RPH3A: variants seen among roughly 807,000 people sequenced by gnomAD.
RPH3A encodes rabphilin-3A.
In RPH3A, 48 loss-of-function variants were observed where a neutral mutation model predicts 102.2. That is an observed-to-expected ratio of 0.47 (90% CI 0.37 to 0.60). The LOEUF (loss-of-function observed/expected upper bound fraction) is 0.60. Ranked by LOEUF, RPH3A falls within the 20% of genes least tolerant of loss-of-function variation. The pLI is 0.00. For missense variants in RPH3A, 781 were observed against 910.1 expected (o/e 0.86, Z 1.83); for synonymous variants, 310 against 324.3 (o/e 0.96, Z 0.47).
intron 2 of RPH3A, among the ~76,000 whole-genome samples, chr12:112,815,619 G>A (rs761624030): frequency 2.6e-5 from 4 of 152,192 alleles, no homozygotes; most frequent in South Asian, 2.1e-4. Flanking sequence ...GTGGTCTTCC[G>A]TGGCTTGATG....
intron 2 of RPH3A, among the ~76,000 whole-genome samples, chr12:112,810,194 A>AG (rs1235493604): frequency 1.3e-5 from 2 of 152,210 alleles, no homozygotes; most frequent in Non-Finnish European, 1.5e-5. Flanking sequence ...GCTGGAAATC[A>AG]GGGCTGAATG....
At chr12:112,684,679 G>A (rs2040250830) in intron 1 of RPH3A, among the ~76,000 whole-genome samples, 1 of 152,212 alleles carries the variant, frequency 6.6e-6, no homozygotes, top group Admixed American at 6.5e-5. Flanking sequence ...GGGAGGCTGA[G>A]TATCTATCTT....
chr12:112,752,022 C>G (rs2040788773), intron 1 of RPH3A, among the ~76,000 whole-genome samples: 2 of 151,962 alleles, frequency 1.3e-5, no homozygotes, highest in Admixed American at 6.6e-5. Context: ...GGTGTGTACC[C>G]CAGTGTTAAG....
rs397958107 is a variant in RPH3A, at chr12:112,713,051, C to CCTTCTTCTTCTTCTTCTTCTT, written c.-139-79061_-139-79041dup. On this transcript the variant is annotated intron_variant, in intron 1 of 21. Coordinates refer to the RPH3A transcript ENST00000543106. Reference sequence around the variant, plus strand: ...TTCTTCTTCTTCTTCTTCTTCTTCTCCTTCTTCTTCTTCTTCTTCTTCTTC... The same window carrying CCTTCTTCTTCTTCTTCTTCTT: ...TTCTTCTTCTTCTTCTTCTTCTTCTCCTTCTTCTTCTTCTTCTTCTTCTTCTTCTTCTTCTTCTTCTTCTTC... Among the ~76,000 whole-genome samples, 49 of 85,874 alleles carry CCTTCTTCTTCTTCTTCTTCTT rather than the reference C, an allele frequency of 5.7e-4. 2 individuals are homozygous for CCTTCTTCTTCTTCTTCTTCTT. Among genetic ancestry groups the CCTTCTTCTTCTTCTTCTTCTT allele is most frequent in the Middle Eastern group, 4.6e-3 (1 of 218 alleles). The allele number at this position is 85,874 out of a possible 152,430, so 56.3% of individuals were successfully genotyped here.
At chr12:112,665,225 A>G (rs2040076402) in intron 1 of RPH3A, among the ~76,000 whole-genome samples, 1 of 152,218 alleles carries the variant, frequency 6.6e-6, no homozygotes, top group South Asian at 2.1e-4. Context: ...AGTCCAGACC[A>G]AGATGGCCTC....
chr12:112,756,871 A>G (rs989685364), intron 1 of RPH3A, among the ~76,000 whole-genome samples: 5 of 152,242 alleles, frequency 3.3e-5, no homozygotes, highest in Admixed American at 1.3e-4. Context: ...GAGAATACAC[A>G]GTTCCCCACA....
intron 2 of RPH3A, among the ~76,000 whole-genome samples, chr12:112,817,931 T>G (rs1432467399): frequency 2.6e-5 from 4 of 152,142 alleles, no homozygotes; most frequent in Non-Finnish European, 5.9e-5. Flanking sequence ...CAAGGTAGCT[T>G]GGTCTCACCC....
At chr12:112,867,707 G>A (rs917830361) in intron 7 of RPH3A, among the ~76,000 whole-genome samples, 5 of 152,198 alleles carry the variant, frequency 3.3e-5, no homozygotes, top group African/African-American at 1.2e-4. Flanking sequence ...ACTAGCAGTG[G>A]GTTGGGGGGA....
chr12:112,866,242 G>A (rs112550439), intron 6 of RPH3A, among the ~76,000 whole-genome samples: 3 of 152,246 alleles, frequency 2.0e-5, no homozygotes, highest in East Asian at 1.9e-4. Flanking sequence ...CAGTCAACTC[G>A]ATAGCGAGAA....
At chr12:112,774,484 G>T (rs1342117518) in intron 1 of RPH3A, among the ~76,000 whole-genome samples, 3 of 152,134 alleles carry the variant, frequency 2.0e-5, no homozygotes, top group Non-Finnish European at 4.4e-5. Flanking sequence ...CCTTTCCCTG[G>T]TTTGTGACTC....
chr12:112,789,679 G>GCCA (rs571794947), upstream of RPH3A, among the ~76,000 whole-genome samples: 166 of 151,564 alleles, frequency 1.1e-3, no homozygotes, highest in African/African-American at 3.7e-3. Context: ...AGCCATCATT[G>GCCA]CCACCACCAC....
At chr12:112,588,617 G>T (rs2039455512) in intron 1 of RPH3A, among the ~76,000 whole-genome samples, 1 of 152,192 alleles carries the variant, frequency 6.6e-6, no homozygotes, top group African/African-American at 2.4e-5. Context: ...AATTCAAAGA[G>T]ATGCTCAATG....
At chr12:112,801,045 C>G (rs1300894592) in intron 2 of RPH3A, among the ~76,000 whole-genome samples, 2 of 152,056 alleles carry the variant, frequency 1.3e-5, no homozygotes, top group African/African-American at 4.8e-5. Flanking sequence ...AGCAGGATAT[C>G]GTAACTTGGC....
At chr12:112,636,249 C>G in intron 1 of RPH3A, among the ~76,000 whole-genome samples, 1 of 152,134 alleles carries the variant, frequency 6.6e-6, no homozygotes, top group East Asian at 1.9e-4. Context: ...GGAGACCACC[C>G]ACTTTCCTTT....
intron 4 of RPH3A, among the ~76,000 whole-genome samples, chr12:112,839,101 T>A (rs1003283062): frequency 7.9e-5 from 12 of 152,176 alleles, no homozygotes; most frequent in Non-Finnish European, 1.6e-4. Flanking sequence ...CACAGTGGTC[T>A]TTAGACTTTT....
rs1718765857 is a variant in RPH3A, at chr12:112,847,697, C to A, written c.85C>A (p.Leu29Ile). The change falls in exon 5 of 22, where the codon CTC (leucine) becomes ATC (isoleucine). Residue 29 changes from leucine to isoleucine, a missense_variant and splice_region_variant. Leu to Ile is a conservative substitution (Grantham distance 5, BLOSUM62 2). This residue lies in a region of RPH3A where 730 missense variants were observed against 810.0 expected (regional missense o/e 0.90). Coordinates refer to ENST00000389385, the MANE Select transcript of RPH3A (RefSeq NM_001143854.2). ...RPLQSNDKEQ[L>I]QAGWSVHPGG... ...ACACCTTCCCAAATTTCCTTTCAGG[C>A]TCCAGGCAGGCTGGTCCGTCCACCC... is the stretch of plus-strand genomic sequence containing the variant. The A allele has an allele frequency of 1.2e-6, 2 of 1,613,444 alleles. No homozygotes were observed. The highest frequency in any genetic ancestry group is 2.2e-5 in the East Asian group (1 of 44,890).
intron 1 of RPH3A, among the ~76,000 whole-genome samples, chr12:112,618,358 C>T (rs952239611): frequency 2.0e-5 from 3 of 152,212 alleles, no homozygotes; most frequent in African/African-American, 7.2e-5. Context: ...TTCCACAGTG[C>T]ACCAGATCCT....
intron 1 of RPH3A, among the ~76,000 whole-genome samples, chr12:112,576,718 G>T (rs1592889413): frequency 6.6e-6 from 1 of 152,086 alleles, no homozygotes; most frequent in African/African-American, 2.4e-5. Context: ...GTGGAGAGAA[G>T]AATTTTGGTG....
At chr12:112,606,904 A>G (rs2039601033) in intron 1 of RPH3A, among the ~76,000 whole-genome samples, 1 of 152,212 alleles carries the variant, frequency 6.6e-6, no homozygotes, top group Non-Finnish European at 1.5e-5. Flanking sequence ...TTACAATTCA[A>G]CATGAGATTT....
Sources: allele counts gnomAD v4.1 joint callset (sites outside exome capture counted in the v4.1 genomes callset), GRCh38; gene constraint gnomAD v4.1.1; regional missense constraint gnomAD v4.1.1; transcripts MANE v1.5; gene names NCBI Gene and HGNC (gene_info 2026-07-23, HGNC 2026-07-21).